Variants in GRM8 observed in about 807,000 individuals in gnomAD.
GRM8 encodes the protein glutamate metabotropic receptor 8.
GRM8 carries 47 observed loss-of-function variants against 87.2 expected under a neutral mutation model. The observed-to-expected ratio is 0.54, with a 90% confidence interval of 0.43 to 0.69. GRM8 has a LOEUF of 0.69. Ranked by LOEUF, GRM8 falls within the 30% of genes least tolerant of loss-of-function variation. GRM8 has a pLI of 0.00. For missense variants in GRM8, 1,019 were observed against 1,139.2 expected (o/e 0.89, Z 1.52); for synonymous variants, 396 against 404.5 (o/e 0.98, Z 0.25).
chr7:127,223,443 GCACACACACACACACACACACACACACA>G (rs61674303), intron 2 of GRM8, among the ~76,000 whole-genome samples: 1 of 143,978 alleles, frequency 6.9e-6, no homozygotes, highest in Non-Finnish European at 1.5e-5. Flanking sequence ...ACACACACAC[GCACACACACACACACACACACACACACA>G]CACACACACA....
intron 7 of GRM8, among the ~76,000 whole-genome samples, chr7:126,629,242 T>A (rs565556278): frequency 6.6e-6 from 1 of 152,212 alleles, no homozygotes; most frequent in Non-Finnish European, 1.5e-5. Flanking sequence ...AGATTTTACA[T>A]CAGTCAACCT....
At chr7:126,922,453 T>C (rs1196948206) in intron 3 of GRM8, among the ~76,000 whole-genome samples, 1 of 151,418 alleles carries the variant, frequency 6.6e-6, no homozygotes, top group Non-Finnish European at 1.5e-5. Flanking sequence ...AACATGAAAA[T>C]GTTTTGTGAA....
intron 8 of GRM8, among the ~76,000 whole-genome samples, chr7:126,596,479 TC>T (rs1337760978): frequency 2.0e-5 from 3 of 152,212 alleles, no homozygotes; most frequent in African/African-American, 7.2e-5. Context: ...TCTTTTCATG[TC>T]CTTTGCCCAC....
intron 6 of GRM8, among the ~76,000 whole-genome samples, chr7:126,891,843 T>C (rs970451543): frequency 6.6e-6 from 1 of 151,956 alleles, no homozygotes; most frequent in Non-Finnish European, 1.5e-5. Context: ...GAACATGTCC[T>C]TGACATCTAA....
chr7:126,555,431 G>A (rs1416817696), intron 8 of GRM8, among the ~76,000 whole-genome samples: 1 of 152,176 alleles, frequency 6.6e-6, no homozygotes, highest in Non-Finnish European at 1.5e-5. Context: ...GCTAAGAACA[G>A]CTATAAACTA....
intron 2 of GRM8, chr7:127,215,040 T>C (rs937391110): frequency 5.9e-5 from 9 of 152,190 alleles, no homozygotes; most frequent in African/African-American, 2.2e-4. Flanking sequence ...TTTCCACTGA[T>C]GGCTTGTTTA....
intron 2 of GRM8, among the ~76,000 whole-genome samples, chr7:127,216,519 A>C (rs1280910758): frequency 1.3e-4 from 13 of 98,000 alleles, no homozygotes; most frequent in African/African-American, 7.7e-4. Flanking sequence ...CTCCGTCTCA[A>C]AAAAAAAAAA....
chr7:127,214,386 C>G (rs1048182522), intron 2 of GRM8, among the ~76,000 whole-genome samples: 1 of 152,132 alleles, frequency 6.6e-6, no homozygotes, highest in South Asian at 2.1e-4. Context: ...TATAATTTAA[C>G]AGTATAACAA....
chr7:126,926,338 A>G (rs1805117872), intron 3 of GRM8, among the ~76,000 whole-genome samples: 1 of 152,032 alleles, frequency 6.6e-6, no homozygotes, highest in South Asian at 2.1e-4. Context: ...ATTATCTTAC[A>G]CCCCTCACTG....
intron 7 of GRM8, among the ~76,000 whole-genome samples, chr7:126,703,125 T>C (rs1810117868): frequency 6.6e-6 from 1 of 152,148 alleles, no homozygotes; most frequent in African/African-American, 2.4e-5. Context: ...GGAGTTTCAA[T>C]CAGGCATGAT....
intron 3 of GRM8, among the ~76,000 whole-genome samples, chr7:127,056,172 T>C (rs1424244030): frequency 6.6e-6 from 1 of 152,234 alleles, no homozygotes; most frequent in Non-Finnish European, 1.5e-5. Context: ...CTCTACATTA[T>C]TCTTGAGTAC....
At chr7:126,493,271 G>T (rs1808265385) in intron 9 of GRM8, among the ~76,000 whole-genome samples, 1 of 152,030 alleles carries the variant, frequency 6.6e-6, no homozygotes, top group Non-Finnish European at 1.5e-5. Flanking sequence ...AGGACTAACA[G>T]CAGGAGAGAC....
chr7:127,142,971 C>T (rs1264166293), intron 2 of GRM8, among the ~76,000 whole-genome samples: 1 of 152,094 alleles, frequency 6.6e-6, no homozygotes. Context: ...ATGCCCCATG[C>T]ATCTTTCCAC....
At chr7:126,953,593 TTTC>T (rs897232206) in intron 3 of GRM8, among the ~76,000 whole-genome samples, 2 of 152,118 alleles carry the variant, frequency 1.3e-5, no homozygotes, top group East Asian at 1.9e-4. Flanking sequence ...CAAGTTTTTT[TTTC>T]TTCTTCTTCT....
chr7:126,515,441 A>G (rs555706356), intron 9 of GRM8, among the ~76,000 whole-genome samples: 22 of 152,228 alleles, frequency 1.4e-4, no homozygotes, highest in African/African-American at 5.3e-4. Flanking sequence ...TGTACACAGT[A>G]TTTACTTACT....
chr7:126,616,852 A>G (rs542606926), intron 7 of GRM8, among the ~76,000 whole-genome samples: 2 of 152,210 alleles, frequency 1.3e-5, no homozygotes, highest in Non-Finnish European at 2.9e-5. Flanking sequence ...TGAACAGACC[A>G]ATAACAGGCT....
intron 7 of GRM8, among the ~76,000 whole-genome samples, chr7:126,671,484 GA>G (rs1339122895): frequency 6.6e-6 from 1 of 152,216 alleles, no homozygotes; most frequent in Non-Finnish European, 1.5e-5. Context: ...TTGCAAGAGA[GA>G]AATCACGTTT....
At chr7:126,780,684 T>C (rs1370326132) in intron 6 of GRM8, among the ~76,000 whole-genome samples, 1 of 18,468 alleles carries the variant, frequency 5.4e-5, no homozygotes, top group Non-Finnish European at 1.0e-4. Flanking sequence ...GCTCAGCCAG[T>C]GAGGCTTAGC....
At chr7:126,471,755 G>A (rs1805278786) in intron 9 of GRM8, among the ~76,000 whole-genome samples, 1 of 151,776 alleles carries the variant, frequency 6.6e-6, no homozygotes, top group Non-Finnish European at 1.5e-5. Context: ...GATGGGGATG[G>A]CATTGAATCT....
Sources: gnomAD v4.1 joint callset for allele counts (sites outside exome capture counted in the v4.1 genomes callset) on GRCh38, gnomAD v4.1.1 for gene constraint, MANE v1.5 for transcripts, NCBI Gene and HGNC (gene_info 2026-07-23, HGNC 2026-07-21) for gene names.